Variants in TNK2 observed in about 807,000 individuals in gnomAD.
TNK2 encodes the protein activated CDC42 kinase 1.
A neutral mutation model predicts 101.8 loss-of-function variants in TNK2; 83 were observed. The observed-to-expected ratio is 0.82, with a 90% CI of 0.68 to 0.98. The LOEUF is 0.98. TNK2 is among the 50% of genes least tolerant of loss of function. The pLI, the probability that TNK2 is intolerant of heterozygous loss-of-function variation, is 0.00. For missense variants in TNK2, 1,665 were observed against 1,483.2 expected (o/e 1.12, Z -2.01); for synonymous variants, 804 against 633.0 (o/e 1.27, Z -4.06).
rs141305197 is a variant in TNK2, at chr3:195,906,535, C to G, written c.-19+1950G>C. On this transcript the variant is annotated intron_variant, in intron 1 of 15. Transcript: ENST00000672887. ...TTCCGTTTACAGTAAATGCTGCAAA[C>G]TCAGACACAGTGACAGAAAGTAGAC... 9.1e-4 allele frequency among the ~76,000 whole-genome samples: 139 copies of G among 152,020 alleles called. 2 individuals are homozygous for G. Among genetic ancestry groups the G allele is most frequent in the African/African-American group, 3.0e-3 (124 of 41,422 alleles).
intron 1 of TNK2, among the ~76,000 whole-genome samples, chr3:195,900,720 G>A (rs990456713): frequency 2.6e-5 from 4 of 152,214 alleles, no homozygotes; most frequent in East Asian, 1.9e-4. Flanking sequence ...CACGAGTGCC[G>A]CAGAGAGCTG....
chr3:195,870,171 G>A lies in TNK2; in HGVS notation c.1486C>T (p.Leu496Phe). The stretch of plus-strand genomic sequence containing the variant: ...GAGGTGCTCAGTTCCACGCTCAGGA[G>A]GTCGGGGGGGTCCATGGGGTTTCCC... Reference protein sequence around the residue: ...YLGNPMDPPDLLSVELSTSRP... With the variant: ...YLGNPMDPPDFLSVELSTSRP... The change falls in exon 11 of 16, where the codon CTC becomes TTC. Residue 496 changes from leucine to phenylalanine, a missense_variant. Physicochemically the swap from Leu to Phe is conservative, Grantham distance 22. Around this residue, in one of 3 missense-constraint regions of TNK2, gnomAD observed 1,136 missense variants for 894.9 expected, o/e 1.27. Coordinates refer to ENST00000672887, the MANE Select transcript of TNK2 (RefSeq NM_001382273.1). 3 of 1,530,940 alleles carry A rather than the reference G, an allele frequency of 2.0e-6. No individual in the cohort carries two copies. Among genetic ancestry groups the A allele is most frequent in the Non-Finnish European group, 2.6e-6 (3 of 1,133,688 alleles). The allele number at this position is 1,530,940 out of a possible 1,614,324, so 94.8% of individuals were successfully genotyped here.
Position 195,867,627 on chromosome 3 carries a change from G to A in TNK2, c.2671C>T (p.Leu891=), listed in dbSNP as rs747577050. The change falls in exon 13 of 16, where the codon CTG becomes TTG. Residue 891 remains leucine, a synonymous_variant. Coordinates refer to ENST00000672887, the MANE Select transcript of TNK2 (RefSeq NM_001382273.1). Reference sequence around the variant, plus strand: ...TCCTCGGGGCTCTGGGCCTCACGCAGGAAGCGCTGGTAGCGCTCCAGGTAG... The same window carrying A: ...TCCTCGGGGCTCTGGGCCTCACGCAAGAAGCGCTGGTAGCGCTCCAGGTAG... ...PSYLERYQRF[L]REAQSPEEPT... 3 of 1,600,346 alleles carry A rather than the reference G, an allele frequency of 1.9e-6. No homozygotes were observed. The highest frequency in any genetic ancestry group is 1.7e-4 in the Middle Eastern group (1 of 6,034).
intron 1 of TNK2, among the ~76,000 whole-genome samples, chr3:195,899,885 C>T (rs1761028891): frequency 6.6e-6 from 1 of 152,082 alleles, no homozygotes; most frequent in African/African-American, 2.4e-5. Flanking sequence ...CTGCTTCTTC[C>T]CCCGTGAGCT....
At chr3:195,905,242 C>A (rs1012495989) in intron 1 of TNK2, among the ~76,000 whole-genome samples, 1 of 152,132 alleles carries the variant, frequency 6.6e-6, no homozygotes, top group African/African-American at 2.4e-5. Flanking sequence ...CACTGTCGCC[C>A]GGGCTGGAAT....
chr3:195,871,054 G>A (rs1016355370), intron 10 of TNK2, among the ~76,000 whole-genome samples: 12 of 133,064 alleles, frequency 9.0e-5, no homozygotes, highest in East Asian at 4.1e-4. Context: ...TGTGGGGCCC[G>A]GTGGGTGAAG....
In TNK2 at chr3:195,863,984, T is replaced by G. The variant is rs1434370675; in HGVS notation, c.*197A>C. On this transcript the variant is annotated 3_prime_UTR_variant, in exon 16 of 16. Transcript: ENST00000672887. ...GGGGCACCGGGACTGAACCAAAGTGTGCAGGGACAGCGCTGGTGCAGGAGG... is the reference window on the plus strand; with the variant it reads ...GGGGCACCGGGACTGAACCAAAGTGGGCAGGGACAGCGCTGGTGCAGGAGG... The G allele has an allele frequency of 4.3e-5, 28 of 649,212 alleles. No homozygotes were observed. The South Asian group carries it at 5.1e-4, about 12-fold the overall frequency. The allele number at this position is 649,212 out of a possible 1,614,324, so 40.2% of individuals were successfully genotyped here. A position where few individuals can be genotyped will look rare whatever the true frequency, so the allele number is the denominator to read the frequency against.
chr3:195,869,768 A>G, intron 11 of TNK2: 1 of 601,416 alleles, frequency 1.7e-6, no homozygotes, highest in Admixed American at 2.9e-5. Context: ...AGGAGGCCCC[A>G]GGCAGAGCCG....
At chr3:195,872,609 T>A in intron 9 of TNK2, 139 bp from the exon 10 acceptor site, 1 of 890,876 alleles carries the variant, frequency 1.1e-6, no homozygotes, top group Non-Finnish European at 1.7e-6. Context: ...CCACCGGCCC[T>A]CCTCCCCAAC....
chr3:195,906,221 G>T (rs990792170), intron 1 of TNK2, among the ~76,000 whole-genome samples: 3 of 152,202 alleles, frequency 2.0e-5, no homozygotes, highest in African/African-American at 7.2e-5. Context: ...ATACACAGTG[G>T]ATGAGTATAT....
chr3:195,867,139 A>G (rs777631026), intron 14 of TNK2, 30 bp downstream of exon 14: 23 of 1,611,158 alleles, frequency 1.4e-5, no homozygotes, highest in Admixed American at 1.0e-4. Context: ...AGGGTCCCTG[A>G]GAGCCAGAGT....
chr3:195,891,549 T>A (rs1577101536), intron 1 of TNK2, among the ~76,000 whole-genome samples: 1 of 152,226 alleles, frequency 6.6e-6, no homozygotes. Context: ...CCAGGCGTCG[T>A]GGCTTTCCGG....
chr3:195,868,032 G>A lies in TNK2; in HGVS notation c.2266C>T (p.Pro756Ser). Residue 756 changes from proline (P) to serine (S), a missense_variant, in exon 13 of 16, where the codon CCT becomes TCT. By Grantham distance (74) the Pro-to-Ser change is moderately conservative. Coordinates refer to ENST00000672887, the MANE Select transcript of TNK2 (RefSeq NM_001382273.1). Reference protein sequence around the residue: ...PGGDDKPQVPPRVPIPPRPTR... With the variant: ...PGGDDKPQVPSRVPIPPRPTR... ...GGCCGAGGGGGGATGGGTACCCGAG[G>A]AGGCACCTGGGGCTTGTCGTCACCC... 1 of 1,591,474 alleles carries A rather than the reference G, an allele frequency of 6.3e-7. No individual in the cohort carries two copies. Among genetic ancestry groups the A allele is most frequent in the Admixed American group, 1.7e-5 (1 of 57,282 alleles).
At position 195,875,376 on chromosome 3, in the gene TNK2, A is replaced by G. The variant is rs12496845; in HGVS notation, c.1256+2877T>C. Reference sequence around the variant, plus strand: ...CCACGCACGCTCCGAGGCACAAGAAACTCCCCCTCGGGATGGCGCCCACGC... The same window carrying G: ...CCACGCACGCTCCGAGGCACAAGAAGCTCCCCCTCGGGATGGCGCCCACGC... On this transcript the variant is annotated intron_variant, in intron 9 of 15. Coordinates refer to ENST00000672887, the MANE Select transcript of TNK2 (RefSeq NM_001382273.1). Among the ~76,000 whole-genome samples the G allele has an allele frequency of 5.6e-3, 176 of 31,566 alleles. 3 individuals carry two copies. The Middle Eastern group carries it at 0.071, about 13-fold the overall frequency. The allele number at this position is 31,566 out of a possible 152,430, so 20.7% of individuals were successfully genotyped here. A position where few individuals can be genotyped will look rare whatever the true frequency, so the allele number is the denominator to read the frequency against.
At chr3:195,871,918 C>CTCCCCTGGAGAACAT (rs1745615641) in intron 10 of TNK2, among the ~76,000 whole-genome samples, 12 of 148,332 alleles carry the variant, frequency 8.1e-5, no homozygotes, top group Admixed American at 4.1e-4. Flanking sequence ...CCGGAGAACC[C>CTCCCCTGGAGAACAT]TCCCCTGGAG....
chr3:195,871,596 C>T (rs555003096), intron 10 of TNK2, among the ~76,000 whole-genome samples: 2 of 152,260 alleles, frequency 1.3e-5, no homozygotes, highest in South Asian at 2.1e-4. Flanking sequence ...GCAGCTCCCA[C>T]CGGGTTCCTC....
chr3:195,866,171 T>C (rs1056651579), intron 15 of TNK2, among the ~76,000 whole-genome samples: 3 of 152,212 alleles, frequency 2.0e-5, no homozygotes, highest in Admixed American at 2.0e-4. Context: ...ATATAAACCT[T>C]TTACAGGAAA....
At chr3:195,865,852 T>TC (rs1740487441) in intron 15 of TNK2, among the ~76,000 whole-genome samples, 1 of 152,076 alleles carries the variant, frequency 6.6e-6, no homozygotes, top group South Asian at 2.1e-4. Context: ...GACAGACATG[T>TC]CCCCCATCCA....
At chr3:195,884,214 A>C (rs1296964519) in intron 4 of TNK2, 1 of 152,182 alleles carries the variant, frequency 6.6e-6, no homozygotes, top group Non-Finnish European at 1.5e-5. Flanking sequence ...CAAAATACCT[A>C]AAGTGGGAGG....
Sources: gnomAD v4.1 joint callset for allele counts (sites outside exome capture counted in the v4.1 genomes callset) on GRCh38, gnomAD v4.1.1 for gene constraint, gnomAD v4.1.1 regional missense constraint, MANE v1.5 for transcripts, NCBI Gene and HGNC (gene_info 2026-07-23, HGNC 2026-07-21) for gene names.